CAPN6: variants seen among roughly 807,000 people sequenced by gnomAD.
The protein encoded by CAPN6 is calpain-6.
In CAPN6, 16 loss-of-function variants were observed where a neutral mutation model predicts 46.0. The observed-to-expected ratio is 0.35, with a 90% confidence interval of 0.24 to 0.53. The LOEUF (loss-of-function observed/expected upper bound fraction) is 0.53, where lower values mean the gene tolerates loss of function less well. CAPN6 is among the 20% of genes least tolerant of loss of function. The pLI is 0.94. For missense variants in CAPN6, 461 were observed against 498.0 expected, an observed-to-expected ratio of 0.93 and a Z score of 0.71; for synonymous variants, 206 against 172.8, an observed-to-expected ratio of 1.19 and a Z score of -1.51.
intron 2 of CAPN6, among the ~76,000 whole-genome samples, chrX:111,259,032 G>T (rs150584060): frequency 1.8e-5 from 2 of 111,829 alleles, no homozygotes; most frequent in Non-Finnish European, 3.8e-5. Flanking sequence ...CAGCAGGGGT[G>T]GGGGTAGGGT....
intron 2 of CAPN6, among the ~76,000 whole-genome samples, chrX:111,259,761 T>C (rs1364742066): frequency 8.9e-6 from 1 of 111,964 alleles, no homozygotes; most frequent in Non-Finnish European, 1.9e-5. Context: ...GAGGCTTTAC[T>C]CCTTTTTAGT....
chrX:111,262,100 TA>T (rs762185482), intron 2 of CAPN6, among the ~76,000 whole-genome samples: 33 of 104,901 alleles, frequency 3.1e-4, no homozygotes, highest in South Asian at 2.1e-3. Flanking sequence ...TTTTTGCAAA[TA>T]AAAAAAAAAG....
intron 1 of CAPN6, among the ~76,000 whole-genome samples, chrX:111,265,670 G>A (rs1040972612): frequency 6.3e-5 from 7 of 111,897 alleles, no homozygotes; most frequent in East Asian, 2.8e-4. Flanking sequence ...ACACTACTGC[G>A]CCTCTTGCTT....
rs749251419 is a variant in CAPN6, at chrX:111,246,959, C to T, written c.1744-200G>A. Among the ~76,000 whole-genome samples the T allele has an allele frequency of 4.5e-5, 5 of 111,918 alleles. No individual in the cohort carries two copies. In the South Asian group the frequency reaches 1.5e-3, roughly 34 times the overall value. ...ATGAAAAGCCAGAAAACAGAATCTC[C>T]GGGTCGTTCTTGACCTGTGGGATGG... On this transcript the variant is annotated intron_variant, in intron 12 of 12. Coordinates refer to ENST00000324068, the MANE Select transcript of CAPN6 (RefSeq NM_014289.4).
chrX:111,267,103 G>A (rs1270700760), intron 1 of CAPN6, among the ~76,000 whole-genome samples: 1 of 112,031 alleles, frequency 8.9e-6, no homozygotes, highest in Non-Finnish European at 1.9e-5. Context: ...ACCCGATGGC[G>A]ATGGGGAAGG....
At chrX:111,254,802 A>T (rs1359692996) in intron 2 of CAPN6, among the ~76,000 whole-genome samples, 1 of 111,750 alleles carries the variant, frequency 8.9e-6, no homozygotes, top group Non-Finnish European at 1.9e-5. Context: ...TTTCTGAAGC[A>T]CCTGTGCTTG....
At chrX:111,251,317 T>C in intron 6 of CAPN6, 31 bp from the exon 7 acceptor site, 1 of 1,092,041 alleles carries the variant, frequency 9.2e-7, no homozygotes. Context: ...AAAAAAAAGA[T>C]AAATCATTAT....
Position 111,246,429 on chromosome X carries a change from G to A in CAPN6, c.*148C>T, listed in dbSNP as rs2094974570. On this transcript the variant is annotated 3_prime_UTR_variant, in exon 13 of 13. Transcript: ENST00000324068. The stretch of plus-strand genomic sequence containing the variant: ...TAGCTACAGATGCTACTTGGATTGG[G>A]AGGTATGGGGAATTTATCAGAAGAG... The A allele has an allele frequency of 4.0e-6, 2 of 497,291 alleles. No homozygotes were observed. Among genetic ancestry groups the A allele is most frequent in the African/African-American group, 2.4e-5 (1 of 41,565 alleles). The allele number at this position is 497,291 out of a possible 1,213,427, so 41.0% of individuals were successfully genotyped here.
At chrX:111,266,022 C>T (rs1013470098) in intron 1 of CAPN6, among the ~76,000 whole-genome samples, 10 of 110,413 alleles carry the variant, frequency 9.1e-5, no homozygotes, top group East Asian at 2.9e-4. Context: ...TACAGCTTGA[C>T]GGAACACCTT....
At chrX:111,260,082 G>C (rs768095658) in intron 2 of CAPN6, among the ~76,000 whole-genome samples, 2 of 112,767 alleles carry the variant, frequency 1.8e-5, no homozygotes, top group Non-Finnish European at 3.7e-5. Context: ...TAGGACAACA[G>C]CTGAGGCCAA....
chrX:111,254,490 T>C (rs2094982231), intron 2 of CAPN6, 87 bp from the exon 3 acceptor site: 5 of 675,553 alleles, frequency 7.4e-6, no homozygotes, highest in South Asian at 3.3e-5. Context: ...ACAGCCTTCA[T>C]AGAGGAGATA....
intron 2 of CAPN6, among the ~76,000 whole-genome samples, chrX:111,261,795 T>C (rs2094988101): frequency 9.0e-6 from 1 of 111,687 alleles, no homozygotes; most frequent in Non-Finnish European, 1.9e-5. Flanking sequence ...TCGGATCTCC[T>C]CCCACCTCCT....
At position 111,256,297 on chromosome X, in the gene CAPN6, G is replaced by C. The variant is rs370399380; in HGVS notation, c.166-1894C>G. ...GCCTGTAATCTCAGCTACTCAGGAG[G>C]CTGAGGCAGGAGAATCGCTTGAACC... On this transcript the variant is annotated intron_variant, in intron 2 of 12. Transcript: ENST00000324068. Among the ~76,000 whole-genome samples, 12 of 110,940 alleles carry C rather than the reference G, an allele frequency of 1.1e-4. No individual in the cohort carries two copies. The East Asian group carries it at 2.9e-3, about 26-fold the overall frequency.
In CAPN6 at chrX:111,263,894, C is replaced by T. The variant is rs1351185231; in HGVS notation, c.43G>A (p.Glu15Lys). ...LKLFKNQKYQELKQECIKDSR... is the reference protein window; with the variant it reads ...LKLFKNQKYQKLKQECIKDSR... ...TCTTTGATGCATTCCTGCTTCAGTT[C>T]CTGGTATTTCTGGTTTTTGAAGAGC... Residue 15 changes from glutamate (E) to lysine (K), a missense_variant, in exon 2 of 13, where the codon GAA (glutamate) becomes AAA (lysine). Coordinates refer to ENST00000324068, the MANE Select transcript of CAPN6 (RefSeq NM_014289.4). 4.2e-6 allele frequency: 5 copies of T among 1,204,330 alleles called. No homozygotes were observed. Among genetic ancestry groups the T allele is most frequent in the Non-Finnish European group, 5.6e-6 (5 of 892,382 alleles).
At position 111,252,441 on chromosome X, in the gene CAPN6, A is replaced by C. The variant is rs2094980405; in HGVS notation, c.565T>G (p.Phe189Val). 1 of 1,209,447 alleles carries C rather than the reference A, an allele frequency of 8.3e-7. No homozygotes were observed. The highest frequency in any genetic ancestry group is 1.8e-5 in the South Asian group (1 of 56,690). The part of the protein sequence containing the change: ...GLTITDIIVD[F>V]TGTLAETVDM... ...ACAGTTTCAGCCAATGTGCCCGTGA[A>C]GTCCACAATAATATCAGTGATGGTC... Residue 189 changes from phenylalanine to valine, a missense_variant, in exon 5 of 13, where the codon TTC (phenylalanine) becomes GTC (valine). Physicochemically the swap from Phe to Val is conservative, Grantham distance 50 (BLOSUM62 -1). Coordinates refer to ENST00000324068, the MANE Select transcript of CAPN6 (RefSeq NM_014289.4).
chrX:111,254,436 TG>T (rs1401470944), intron 2 of CAPN6, 33 bp from the exon 3 acceptor site: 1 of 1,099,935 alleles, frequency 9.1e-7, no homozygotes, highest in East Asian at 3.0e-5. Flanking sequence ...TATGAGAGTC[TG>T]GGAAGAGTTT....
chrX:111,246,049 T>A lies in CAPN6; in HGVS notation c.*528A>T, dbSNP rs775346182. 2 of 114,546 alleles carry A rather than the reference T, an allele frequency of 1.7e-5. No individual in the cohort carries two copies. Among genetic ancestry groups the A allele is most frequent in the South Asian group, 6.2e-4 (2 of 3,245 alleles). The allele number at this position is 114,546 out of a possible 1,213,427, so 9.4% of individuals were successfully genotyped here. A position where few individuals can be genotyped will look rare whatever the true frequency, so the allele number is the denominator to read the frequency against. On this transcript the variant is annotated 3_prime_UTR_variant, in exon 13 of 13. Coordinates refer to ENST00000324068, the MANE Select transcript of CAPN6 (RefSeq NM_014289.4). ...TGGTGAGTGGTGGTGGTGGTGGTGG[T>A]CGTGGTTGGTGGTGGTGGCAGTGGT... is the stretch of plus-strand genomic sequence containing the variant.
In CAPN6 at chrX:111,262,284, G is replaced by A. The variant is rs191816838; in HGVS notation, c.165+1488C>T. Reference sequence around the variant, plus strand: ...TTCTCCCAGTCTCATACTTTCAATGGTTGTCATTCTTTATAGGCAAAAACT... The same window carrying A: ...TTCTCCCAGTCTCATACTTTCAATGATTGTCATTCTTTATAGGCAAAAACT... On this transcript the variant is annotated intron_variant, in intron 2 of 12. Coordinates refer to ENST00000324068, the MANE Select transcript of CAPN6 (RefSeq NM_014289.4). Among the ~76,000 whole-genome samples the A allele has an allele frequency of 8.0e-5, 9 of 112,007 alleles. No individual in the cohort carries two copies. The Admixed American group carries it at 8.5e-4, about 11-fold the overall frequency.
At chrX:111,252,255 G>A (rs1338201782) in intron 5 of CAPN6, 52 bp downstream of exon 5, 1 of 986,221 alleles carries the variant, frequency 1.0e-6, no homozygotes, top group Non-Finnish European at 1.4e-6. Context: ...AAACTTTGTA[G>A]TCTCTTCTGC....
Sources: allele counts gnomAD v4.1 joint callset (sites outside exome capture counted in the v4.1 genomes callset), GRCh38; gene constraint gnomAD v4.1.1; transcripts MANE v1.5; gene names NCBI Gene and HGNC (gene_info 2026-07-23, HGNC 2026-07-21).